FHIT: variants seen among roughly 807,000 people sequenced by gnomAD.
The protein encoded by FHIT is bis(5'-adenosyl)-triphosphatase.
Under a neutral mutation model 17.9 loss-of-function variants are expected in FHIT, and 19 were observed. The ratio of observed to expected loss-of-function variants is 1.06; its 90% CI spans 0.74 to 1.56. FHIT has a LOEUF of 1.56. Ranked by LOEUF, FHIT falls within the 40% of genes most tolerant of loss-of-function variation. FHIT has a pLI of 0.00. For synonymous variants in FHIT, 81 were observed against 69.7 expected, an observed-to-expected ratio of 1.16 and a Z score of -0.81; for missense variants, 248 against 189.2, an observed-to-expected ratio of 1.31 and a Z score of -1.82.
At chr3:60,332,064 C>G (rs898326828) in intron 5 of FHIT, among the ~76,000 whole-genome samples, 1 of 152,034 alleles carries the variant, frequency 6.6e-6, no homozygotes, top group Non-Finnish European at 1.5e-5. Flanking sequence ...CCACTAGATT[C>G]TTTCATTAAT....
intron 4 of FHIT, among the ~76,000 whole-genome samples, chr3:60,579,218 T>C (rs1013363426): frequency 6.6e-6 from 1 of 152,180 alleles, no homozygotes; most frequent in African/African-American, 2.4e-5. Flanking sequence ...TAGCCCACTA[T>C]ACACATAGGC....
intron 3 of FHIT, among the ~76,000 whole-genome samples, chr3:60,854,781 A>G (rs781925919): frequency 2.0e-4 from 31 of 152,236 alleles, no homozygotes; most frequent in Middle Eastern, 3.4e-3. Context: ...TGGGTCATAC[A>G]GTCTTTCCTA....
chr3:60,608,996 T>C (rs1215263013), intron 4 of FHIT, among the ~76,000 whole-genome samples: 1 of 150,522 alleles, frequency 6.6e-6, no homozygotes, highest in Non-Finnish European at 1.5e-5. Context: ...AATATATGAA[T>C]GCATATGCTG....
In FHIT at chr3:60,092,549, C is replaced by T. The variant is rs538305359; in HGVS notation, c.104-78397G>A. On this transcript the variant is annotated intron_variant, in intron 5 of 9. Transcript: ENST00000492590. ...ACATGATAGCATTTCTAGATTGATT[C>T]CATTCAGAGGTGCTTTTATTTCACA... is the stretch of plus-strand genomic sequence containing the variant. Among the ~76,000 whole-genome samples the T allele has an allele frequency of 2.0e-5, 3 of 152,250 alleles. No individual in the cohort carries two copies. In the East Asian group the frequency reaches 5.8e-4, roughly 29 times the overall value.
intron 4 of FHIT, among the ~76,000 whole-genome samples, chr3:60,805,353 A>G (rs1455158241): frequency 1.3e-5 from 2 of 152,096 alleles, no homozygotes; most frequent in African/African-American, 4.8e-5. Context: ...TGGTGTCAGC[A>G]GATTCTGTTT....
intron 4 of FHIT, among the ~76,000 whole-genome samples, chr3:60,779,613 G>A (rs1553725277): frequency 6.6e-6 from 1 of 152,078 alleles, no homozygotes; most frequent in East Asian, 1.9e-4. Context: ...CTTGTTGGAG[G>A]AGAACTGGGT....
chr3:60,093,460 T>C (rs946518804), intron 5 of FHIT, among the ~76,000 whole-genome samples: 1 of 152,168 alleles, frequency 6.6e-6, no homozygotes, highest in African/African-American at 2.4e-5. Context: ...ACATCAGCTA[T>C]TGAGCAACCT....
chr3:59,936,214 C>A (rs1706231410), intron 7 of FHIT, among the ~76,000 whole-genome samples: 1 of 152,006 alleles, frequency 6.6e-6, no homozygotes, highest in African/African-American at 2.4e-5. Context: ...ATCTTCTGAT[C>A]TTTACAAATT....
intron 5 of FHIT, among the ~76,000 whole-genome samples, chr3:60,429,619 G>A (rs1043084029): frequency 6.6e-6 from 1 of 152,074 alleles, no homozygotes; most frequent in Non-Finnish European, 1.5e-5. Flanking sequence ...CACAGTGATA[G>A]ATGATGCTCT....
chr3:61,209,582 C>T (rs1362789944), intron 1 of FHIT, among the ~76,000 whole-genome samples: 1 of 152,024 alleles, frequency 6.6e-6, no homozygotes, highest in Non-Finnish European at 1.5e-5. Context: ...TCATTGATAC[C>T]CTTTCTTCCA....
chr3:60,382,381 A>G (rs551234269), intron 5 of FHIT, among the ~76,000 whole-genome samples: 36 of 152,362 alleles, frequency 2.4e-4, no homozygotes, highest in Admixed American at 1.0e-3. Flanking sequence ...CCATTTCAAA[A>G]TAAGCCATGA....
chr3:59,855,765 T>C (rs1702128032), intron 8 of FHIT, among the ~76,000 whole-genome samples: 1 of 151,862 alleles, frequency 6.6e-6, no homozygotes, highest in Non-Finnish European at 1.5e-5. Flanking sequence ...GATAAAATAA[T>C]TAATAGATAA....
intron 5 of FHIT, among the ~76,000 whole-genome samples, chr3:60,277,405 G>A (rs1707201160): frequency 6.6e-6 from 1 of 152,192 alleles, no homozygotes. Flanking sequence ...CAAGCTGGAA[G>A]CTTGCAATGG....
intron 5 of FHIT, among the ~76,000 whole-genome samples, chr3:60,269,764 T>A (rs1576397134): frequency 6.6e-6 from 1 of 152,158 alleles, no homozygotes; most frequent in East Asian, 1.9e-4. Context: ...CAGATAGAAA[T>A]GTTGGAACAA....
intron 5 of FHIT, among the ~76,000 whole-genome samples, chr3:60,035,717 C>A (rs1701189036): frequency 6.6e-6 from 1 of 152,172 alleles, no homozygotes; most frequent in Admixed American, 6.5e-5. Flanking sequence ...TCCCAACTGT[C>A]CTTCCAATTT....
chr3:60,929,678 G>C (rs1707844616), intron 3 of FHIT, among the ~76,000 whole-genome samples: 1 of 152,154 alleles, frequency 6.6e-6, no homozygotes, highest in African/African-American at 2.4e-5. Context: ...CCTCTTCAAG[G>C]AGAACTACAA....
At chr3:60,269,318 G>A (rs1055530640) in intron 5 of FHIT, among the ~76,000 whole-genome samples, 1 of 152,136 alleles carries the variant, frequency 6.6e-6, no homozygotes, top group Non-Finnish European at 1.5e-5. Flanking sequence ...GTTAATCACT[G>A]GAGTTTTCCT....
intron 3 of FHIT, among the ~76,000 whole-genome samples, chr3:60,984,192 G>C (rs979348518): frequency 1.3e-5 from 2 of 152,158 alleles, no homozygotes; most frequent in African/African-American, 4.8e-5. Flanking sequence ...TTCTGTATTT[G>C]ATGACAGTTT....
intron 8 of FHIT, among the ~76,000 whole-genome samples, chr3:59,889,730 A>T (rs1703772180): frequency 6.6e-6 from 1 of 152,232 alleles, no homozygotes; most frequent in African/African-American, 2.4e-5. Context: ...TTTTTAATAA[A>T]TACAGTCTTT....
Sources: allele counts gnomAD v4.1 joint callset (sites outside exome capture counted in the v4.1 genomes callset), GRCh38; gene constraint gnomAD v4.1.1; transcripts MANE v1.5; gene names NCBI Gene and HGNC (gene_info 2026-07-23, HGNC 2026-07-21).